The following CPED1 variants were observed in gnomAD, a reference collection of about 807,000 sequenced individuals.
The protein encoded by CPED1 is cadherin like and PC-esterase domain containing 1.
CPED1 carries 114 observed loss-of-function variants against 128.2 expected under a neutral mutation model. That is an observed-to-expected ratio of 0.89 (90% CI 0.76 to 1.04). The LOEUF is 1.04. Among genes scored for constraint, CPED1 ranks in the 50% least tolerant of loss-of-function variants. CPED1 has a pLI of 0.00. For synonymous variants in CPED1, 462 were observed against 426.7 expected, an observed-to-expected ratio of 1.08 and a Z score of -1.02; for missense variants, 1,211 against 1,207.1, an observed-to-expected ratio of 1.00 and a Z score of -0.05.
intron 3 of CPED1, among the ~76,000 whole-genome samples, chr7:121,037,916 G>A (rs937885466): frequency 2.6e-5 from 4 of 152,028 alleles, no homozygotes; most frequent in Non-Finnish European, 5.9e-5. Context: ...AAGGGGTTGA[G>A]TTCTTGATTT....
intron 5 of CPED1, among the ~76,000 whole-genome samples, chr7:121,065,787 C>A (rs1793816119): frequency 6.6e-6 from 1 of 152,008 alleles, no homozygotes; most frequent in African/African-American, 2.4e-5. Flanking sequence ...AAGTTCTAGG[C>A]ATTTGTAGTT....
intron 17 of CPED1, 97 bp downstream of exon 17, chr7:121,236,928 G>C: frequency 3.7e-6 from 2 of 537,080 alleles, no homozygotes; most frequent in Non-Finnish European, 6.4e-6. Flanking sequence ...AAAAAACAAG[G>C]GCATTACTTT....
intron 14 of CPED1, among the ~76,000 whole-genome samples, chr7:121,138,527 A>G (rs1304212611): frequency 6.6e-6 from 1 of 152,064 alleles, no homozygotes; most frequent in Non-Finnish European, 1.5e-5. Context: ...TGAAACCAAA[A>G]ATAAGCACTT....
chr7:121,060,362 C>A lies in CPED1; in HGVS notation c.541-3876C>A, dbSNP rs548525398. Among the ~76,000 whole-genome samples the A allele has an allele frequency of 3.9e-5, 6 of 152,378 alleles. No homozygotes were observed. The East Asian group carries it at 9.7e-4, about 25-fold the overall frequency. On this transcript the variant is annotated intron_variant, in intron 4 of 22. Coordinates refer to ENST00000310396, the MANE Select transcript of CPED1 (RefSeq NM_024913.5). Reference sequence around the variant, plus strand: ...CTGGCAGGCAGCTCCACCTGCAGCCCCCGGTGCGGGATCCACTGGGTGAAG... The same window carrying A: ...CTGGCAGGCAGCTCCACCTGCAGCCACCGGTGCGGGATCCACTGGGTGAAG...
chr7:121,182,504 G>T, intron 16 of CPED1, among the ~76,000 whole-genome samples: 2 of 144,784 alleles, frequency 1.4e-5, no homozygotes, highest in East Asian at 2.0e-4. Context: ...CTCCTTCTTT[G>T]CCTCCCTCTC....
intron 2 of CPED1, among the ~76,000 whole-genome samples, chr7:120,998,681 C>T (rs944196829): frequency 6.6e-6 from 1 of 152,116 alleles, no homozygotes; most frequent in African/African-American, 2.4e-5. Flanking sequence ...CTCTCTCTAT[C>T]CCCCAGCCTC....
At chr7:121,273,047 G>A (rs1792263748) in intron 22 of CPED1, among the ~76,000 whole-genome samples, 1 of 151,856 alleles carries the variant, frequency 6.6e-6, no homozygotes, top group Admixed American at 6.6e-5. Context: ...TTTGCTCTAG[G>A]AGATTCAGCT....
intron 16 of CPED1, among the ~76,000 whole-genome samples, chr7:121,179,536 CAG>C (rs977504593): frequency 1.3e-5 from 2 of 152,056 alleles, no homozygotes; most frequent in Non-Finnish European, 2.9e-5. Context: ...TAAGCAGAAA[CAG>C]AAGTTTTTTT....
intron 7 of CPED1, among the ~76,000 whole-genome samples, chr7:121,114,075 C>T (rs1768735825): frequency 6.6e-6 from 1 of 152,182 alleles, no homozygotes. Context: ...CGTGATCCAC[C>T]TGCCTCAGCC....
chr7:121,061,469 G>T (rs1013343335), intron 4 of CPED1, among the ~76,000 whole-genome samples: 2 of 152,146 alleles, frequency 1.3e-5, no homozygotes, highest in South Asian at 4.1e-4. Flanking sequence ...TAATTCGGAT[G>T]ATAATGATAT....
chr7:121,140,672 C>A lies in CPED1; in HGVS notation c.1700-155C>A, dbSNP rs575994343. Among the ~76,000 whole-genome samples the A allele has an allele frequency of 2.4e-4, 36 of 152,086 alleles. No homozygotes were observed. In the South Asian group the frequency reaches 7.1e-3, roughly 30 times the overall value. ...TGAATTGAAAAGCCAGCTGCAGCCA[C>A]AAATCAACTATGATCAGGGTACTGA... On this transcript the variant is annotated intron_variant, in intron 14 of 22. Transcript: ENST00000310396.
At chr7:121,030,338 T>C (rs1792698319) in intron 3 of CPED1, among the ~76,000 whole-genome samples, 1 of 152,236 alleles carries the variant, frequency 6.6e-6, no homozygotes, top group African/African-American at 2.4e-5. Context: ...ATGGTTTCAC[T>C]TTCCGTGGTT....
intron 5 of CPED1, among the ~76,000 whole-genome samples, chr7:121,077,219 T>A (rs921015340): frequency 6.6e-6 from 1 of 152,158 alleles, no homozygotes; most frequent in African/African-American, 2.4e-5. Context: ...TTATCAAAAA[T>A]GAAACTTAGT....
intron 2 of CPED1, among the ~76,000 whole-genome samples, chr7:120,994,844 T>G (rs1459620887): frequency 3.9e-5 from 6 of 152,060 alleles, no homozygotes; most frequent in Non-Finnish European, 7.4e-5. Flanking sequence ...AGAGAGAAAG[T>G]GAGAAAACAC....
chr7:121,242,043 A>T (rs1272530164), intron 17 of CPED1, among the ~76,000 whole-genome samples: 1 of 151,960 alleles, frequency 6.6e-6, no homozygotes, highest in Non-Finnish European at 1.5e-5. Context: ...TTTCCAAGTG[A>T]CTCTAATATG....
chr7:121,292,575 A>G (rs1299251093), intron 22 of CPED1, among the ~76,000 whole-genome samples: 3 of 151,934 alleles, frequency 2.0e-5, no homozygotes, highest in Non-Finnish European at 2.9e-5. Context: ...AGGAGTTGCG[A>G]TCGTTTGGAG....
intron 3 of CPED1, among the ~76,000 whole-genome samples, chr7:121,016,226 G>C (rs779023472): frequency 6.6e-6 from 1 of 152,168 alleles, no homozygotes; most frequent in Non-Finnish European, 1.5e-5. Flanking sequence ...GCTGGAAATT[G>C]TTTCCAGAAG....
intron 2 of CPED1, among the ~76,000 whole-genome samples, chr7:121,003,920 A>G (rs1585011836): frequency 6.6e-6 from 1 of 152,346 alleles, no homozygotes; most frequent in East Asian, 1.9e-4. Context: ...ATGCCCAGAC[A>G]TAAATGTGTG....
chr7:121,097,988 C>T (rs189009563), intron 6 of CPED1, among the ~76,000 whole-genome samples, 157 bp downstream of exon 6: 216 of 152,320 alleles, frequency 1.4e-3, no homozygotes, highest in African/African-American at 4.6e-3. Context: ...AGAATGCCAT[C>T]ATTGACTTTC....
Sources: allele counts gnomAD v4.1 joint callset (sites outside exome capture counted in the v4.1 genomes callset), GRCh38; gene constraint gnomAD v4.1.1; transcripts MANE v1.5; gene names NCBI Gene and HGNC (gene_info 2026-07-23, HGNC 2026-07-21).